ADARB2: variants seen among roughly 807,000 people sequenced by gnomAD.
The protein encoded by ADARB2 is adenosine deaminase RNA specific B2 (inactive).
In ADARB2, 25 loss-of-function variants were observed where a neutral mutation model predicts 62.2. The ratio of observed to expected loss-of-function variants is 0.40; its 90% CI spans 0.29 to 0.56. The LOEUF (loss-of-function observed/expected upper bound fraction) is 0.56. ADARB2 is among the 20% of genes least tolerant of loss of function. The pLI, the probability that ADARB2 is intolerant of heterozygous loss-of-function variation, is 0.43. For synonymous variants in ADARB2, 572 were observed against 500.8 expected (o/e 1.14, Z -1.90); for missense variants, 1,071 against 1,077.4 (o/e 0.99, Z 0.08).
At chr10:1,229,669 T>G (rs991738553) in intron 6 of ADARB2, among the ~76,000 whole-genome samples, 16 of 152,336 alleles carry the variant, frequency 1.1e-4, no homozygotes, top group African/African-American at 3.8e-4. Flanking sequence ...TGTGCACATA[T>G]GCTTATGTAT....
At chr10:1,516,226 C>A (rs1422686357) in intron 1 of ADARB2, among the ~76,000 whole-genome samples, 1 of 152,164 alleles carries the variant, frequency 6.6e-6, no homozygotes, top group Non-Finnish European at 1.5e-5. Context: ...GTCCCTTACC[C>A]TTACCCCAAA....
At chr10:1,630,819 G>A (rs1407507089) in intron 1 of ADARB2, among the ~76,000 whole-genome samples, 1 of 152,122 alleles carries the variant, frequency 6.6e-6, no homozygotes, top group Non-Finnish European at 1.5e-5. Context: ...GCCAGGTGTG[G>A]TGGTGGGCGT....
intron 6 of ADARB2, among the ~76,000 whole-genome samples, chr10:1,228,613 G>A (rs1198342166): frequency 1.3e-5 from 2 of 152,226 alleles, no homozygotes; most frequent in African/African-American, 4.8e-5. Flanking sequence ...TAGGTCCAGG[G>A]GAAAGCCACA....
intron 1 of ADARB2, among the ~76,000 whole-genome samples, chr10:1,730,211 T>G (rs139399613): frequency 1.3e-5 from 2 of 151,976 alleles, no homozygotes; most frequent in Non-Finnish European, 2.9e-5. Flanking sequence ...TGCAAATGAG[T>G]GATCTGTTGC....
At chr10:1,205,382 G>T (rs147656067) in intron 7 of ADARB2, among the ~76,000 whole-genome samples, 59 of 100,420 alleles carry the variant, frequency 5.9e-4, no homozygotes, top group African/African-American at 1.1e-3. Context: ...GACAACTCAC[G>T]GGAGCCCGTG....
intron 2 of ADARB2, among the ~76,000 whole-genome samples, chr10:1,369,283 A>G (rs1047608770): frequency 1.3e-5 from 2 of 152,146 alleles, no homozygotes; most frequent in Non-Finnish European, 2.9e-5. Context: ...TCTAAGTAGA[A>G]AGCTATTGAT....
chr10:1,210,693 G>A (rs912593651), intron 7 of ADARB2, among the ~76,000 whole-genome samples: 2 of 152,162 alleles, frequency 1.3e-5, no homozygotes, highest in African/African-American at 4.8e-5. Flanking sequence ...GGTTTCCTTC[G>A]CTCATGAGTG....
chr10:1,497,646 C>T (rs749143374), intron 1 of ADARB2, among the ~76,000 whole-genome samples: 45 of 152,134 alleles, frequency 3.0e-4, no homozygotes, highest in Non-Finnish European at 4.0e-4. Flanking sequence ...GCTTTTTATA[C>T]ACTAATCCTA....
Position 1,704,241 on chromosome 10 carries a change from G to A in ADARB2, c.100+32810C>T, listed in dbSNP as rs1834859636. Among the ~76,000 whole-genome samples, 2 of 152,130 alleles carry A rather than the reference G, an allele frequency of 1.3e-5. No homozygotes were observed. The highest frequency in any genetic ancestry group is 6.5e-5 in the Admixed American group (1 of 15,276). ...ATGATTCAAGCACATTATATTTATT[G>A]TGCACTTTATTTCTATTAATATTAC... On this transcript the variant is annotated intron_variant, in intron 1 of 9. Transcript: ENST00000381312. This position sits in a 1 kb window ranked among gnomAD's most constrained non-coding sequence, Gnocchi z 5.6.
At chr10:1,472,356 C>G (rs1277653422) in intron 1 of ADARB2, among the ~76,000 whole-genome samples, 1 of 152,024 alleles carries the variant, frequency 6.6e-6, no homozygotes, top group African/African-American at 2.4e-5. Flanking sequence ...GTGTGACGAG[C>G]TCTGTGCCAT....
intron 3 of ADARB2, among the ~76,000 whole-genome samples, chr10:1,352,914 T>C (rs1832157498): frequency 6.6e-6 from 1 of 152,148 alleles, no homozygotes; most frequent in Non-Finnish European, 1.5e-5. Flanking sequence ...CTTGATCACA[T>C]TTAGTTTATT....
chr10:1,364,356 C>A (rs979916913), intron 2 of ADARB2, among the ~76,000 whole-genome samples: 1 of 152,210 alleles, frequency 6.6e-6, no homozygotes, highest in African/African-American at 2.4e-5. Flanking sequence ...GGGGGTCCGG[C>A]CCCCAAACTC....
rs189235917 is a variant in ADARB2 at position 1,666,374 on chromosome 10, G to T, written c.100+70677C>A. On this transcript the variant is annotated intron_variant, in intron 1 of 9. Coordinates refer to ENST00000381312, the MANE Select transcript of ADARB2 (RefSeq NM_018702.4). ...TCATCTGCGAGTCGGAGCCTCCGAA[G>T]GGGGGCCAGTAGCACATGTCCCAGC... Among the ~76,000 whole-genome samples the T allele has an allele frequency of 6.4e-4, 97 of 152,354 alleles. 1 individual carries two copies. The highest frequency in any genetic ancestry group is 2.1e-3 in the African/African-American group (88 of 41,592).
At chr10:1,444,878 T>A (rs1279435046) in intron 1 of ADARB2, among the ~76,000 whole-genome samples, 1 of 139,678 alleles carries the variant, frequency 7.2e-6, no homozygotes, top group Non-Finnish European at 1.5e-5. Flanking sequence ...CATCCATCTA[T>A]CCATCCACCC....
intron 3 of ADARB2, among the ~76,000 whole-genome samples, chr10:1,352,015 C>A (rs187440437): frequency 0.035 from 5,318 of 151,270 alleles, 126 homozygotes; most frequent in South Asian, 0.092. Flanking sequence ...TTGCACCCTT[C>A]ATCCCAGCCT....
chr10:1,501,421 T>C (rs2131938426), intron 1 of ADARB2, among the ~76,000 whole-genome samples: 1 of 152,268 alleles, frequency 6.6e-6, no homozygotes, highest in Non-Finnish European at 1.5e-5. Flanking sequence ...TCAGAAGCCC[T>C]CAGGGAGTTT....
At position 1,349,523 on chromosome 10, in the gene ADARB2, C is replaced by T. The variant is rs183119766; in HGVS notation, c.1077+13505G>A. ...GAAAGATCCACCTACAACCTCGGGTCCTCAGACCGACCAGCCCAAGGAACA... is the reference window on the plus strand; with the variant it reads ...GAAAGATCCACCTACAACCTCGGGTTCTCAGACCGACCAGCCCAAGGAACA... On this transcript the variant is annotated intron_variant, in intron 3 of 9. Transcript: ENST00000381312. Among the ~76,000 whole-genome samples, 896 of 152,290 alleles carry T rather than the reference C, an allele frequency of 5.9e-3. 1 individual carries two copies. The highest frequency in any genetic ancestry group is 0.014 in the Middle Eastern group (4 of 294).
chr10:1,215,005 T>C (rs1219183482), intron 7 of ADARB2, among the ~76,000 whole-genome samples: 1 of 151,906 alleles, frequency 6.6e-6, no homozygotes, highest in African/African-American at 2.4e-5. Context: ...TTCATCTGCC[T>C]GGAGTCCAGA....
rs865815849 is a variant in ADARB2 at position 1,675,916 on chromosome 10, C to T, written c.100+61135G>A. 5 of 845,872 alleles carry T rather than the reference C, an allele frequency of 5.9e-6. No homozygotes were observed. In the African/African-American group the frequency reaches 7.4e-5, roughly 12 times the overall value. 52.4% of individuals were successfully genotyped at this position (845,872 alleles called of 1,614,324 possible). A position where few individuals can be genotyped will look rare whatever the true frequency, so the allele number is the denominator to read the frequency against. ...CTCAGAGGAAGGGGCTGCAGAGGTC[C>T]GCGTGGGTCAGAGTTGAATCTGCTC... On this transcript the variant is annotated intron_variant, in intron 1 of 9. Coordinates refer to ENST00000381312, the MANE Select transcript of ADARB2 (RefSeq NM_018702.4).
Sources: gnomAD v4.1 joint callset for allele counts (sites outside exome capture counted in the v4.1 genomes callset) on GRCh38, gnomAD v4.1.1 for gene constraint, Gnocchi (gnomAD v3.1) non-coding constraint, MANE v1.5 for transcripts, NCBI Gene and HGNC (gene_info 2026-07-23, HGNC 2026-07-21) for gene names.